The following WWOX variants were observed in gnomAD, a reference collection of about 807,000 sequenced individuals.
WWOX encodes the protein WW domain containing oxidoreductase, also known as WW domain-containing oxidoreductase.
A neutral mutation model predicts 46.2 loss-of-function variants in WWOX; 69 were observed. The ratio of observed to expected loss-of-function variants is 1.49; its 90% CI spans 1.23 to 1.82. The LOEUF is 1.82. Among genes scored for constraint, WWOX ranks in the 40% most tolerant of loss-of-function variants. The pLI, the probability that WWOX is intolerant of heterozygous loss-of-function variation, is 0.00. For missense variants in WWOX, 919 were observed against 542.6 expected (o/e 1.69, Z -6.89); for synonymous variants, 359 against 202.6 (o/e 1.77, Z -6.56).
At chr16:78,100,449 G>A (rs2031697978) in intron 1 of WWOX, among the ~76,000 whole-genome samples, 1 of 152,082 alleles carries the variant, frequency 6.6e-6, no homozygotes, top group African/African-American at 2.4e-5. Context: ...GACTAGGGTC[G>A]CACCATGTTG....
At chr16:78,433,680 T>C (rs1335777455) in intron 8 of WWOX, among the ~76,000 whole-genome samples, 1 of 151,746 alleles carries the variant, frequency 6.6e-6, no homozygotes, top group Non-Finnish European at 1.5e-5. Flanking sequence ...TGCAGGCCTA[T>C]TATCCTCCAG....
chr16:78,432,883 A>T, intron 8 of WWOX, 131 bp downstream of exon 8: 3 of 1,392,894 alleles, frequency 2.2e-6, no homozygotes, highest in Non-Finnish European at 3.0e-6. Flanking sequence ...CCCATCATAA[A>T]GGGCTCTTGA....
chr16:78,643,139 A>G (rs1417906342), intron 8 of WWOX, among the ~76,000 whole-genome samples: 1 of 152,204 alleles, frequency 6.6e-6, no homozygotes, highest in Non-Finnish European at 1.5e-5. Flanking sequence ...GCAGCTATCC[A>G]GACCCAAGAG....
At chr16:78,773,970 G>A (rs1281966183) in intron 8 of WWOX, among the ~76,000 whole-genome samples, 1 of 152,216 alleles carries the variant, frequency 6.6e-6, no homozygotes, top group Non-Finnish European at 1.5e-5. Flanking sequence ...GAAAGCATGT[G>A]GCTGAAATGA....
chr16:79,016,338 C>T (rs1379833163), intron 8 of WWOX: 6 of 152,232 alleles, frequency 3.9e-5, no homozygotes, highest in African/African-American at 1.4e-4. Flanking sequence ...GTGGTTGCTC[C>T]TCCTGCAGTC....
intron 8 of WWOX, among the ~76,000 whole-genome samples, chr16:78,974,994 C>T (rs1337181923): frequency 1.3e-5 from 2 of 152,140 alleles, no homozygotes; most frequent in African/African-American, 4.8e-5. Context: ...AAGGGACTCC[C>T]CAGCCCCTCT....
At chr16:78,983,038 T>G (rs2046713535) in intron 8 of WWOX, among the ~76,000 whole-genome samples, 1 of 152,202 alleles carries the variant, frequency 6.6e-6, no homozygotes, top group African/African-American at 2.4e-5. Flanking sequence ...TTGTGAAGTA[T>G]TTATTGTGGG....
chr16:78,839,998 T>C (rs548659011), intron 8 of WWOX, among the ~76,000 whole-genome samples: 193 of 152,324 alleles, frequency 1.3e-3, no homozygotes, highest in African/African-American at 4.5e-3. Flanking sequence ...CATTCCCTTT[T>C]CTGAGCCACA....
Position 78,423,617 on chromosome 16 carries a change from C to G in WWOX, c.606-1253C>G, listed in dbSNP as rs1019004278. Among the ~76,000 whole-genome samples, 7 of 152,044 alleles carry G rather than the reference C, an allele frequency of 4.6e-5. 1 individual carries two copies. Among genetic ancestry groups the G allele is most frequent in the African/African-American group, 1.7e-4 (7 of 41,474 alleles). The stretch of plus-strand genomic sequence containing the variant: ...CCTAGGCAGAAGGATTGCTTGAGAC[C>G]AGGAACTCAAGACCACCTTGACCAC... On this transcript the variant is annotated intron_variant, in intron 6 of 8. Transcript: ENST00000566780.
chr16:78,797,018 G>C (rs1409155837), intron 8 of WWOX, among the ~76,000 whole-genome samples: 1 of 151,836 alleles, frequency 6.6e-6, no homozygotes, highest in African/African-American at 2.4e-5. Flanking sequence ...TAGTGCCGGG[G>C]TTTCACCATG....
intron 8 of WWOX, among the ~76,000 whole-genome samples, chr16:78,518,907 T>A (rs1473249523): frequency 6.6e-6 from 1 of 152,206 alleles, no homozygotes; most frequent in African/African-American, 2.4e-5. Context: ...CTCACGGGTG[T>A]TATGGTTCAT....
chr16:78,529,686 C>G (rs1266437019), intron 8 of WWOX, among the ~76,000 whole-genome samples: 2 of 151,824 alleles, frequency 1.3e-5, no homozygotes, highest in African/African-American at 2.4e-5. Flanking sequence ...GCAGGATGGT[C>G]TCGATCTCCT....
At chr16:78,335,110 C>A (rs895065829) in intron 5 of WWOX, among the ~76,000 whole-genome samples, 22 of 152,068 alleles carry the variant, frequency 1.4e-4, no homozygotes, top group Admixed American at 1.4e-3. Context: ...TGGGGTGGGG[C>A]CTGCAGTCTG....
intron 6 of WWOX, among the ~76,000 whole-genome samples, chr16:78,404,902 AAT>A (rs1448884812): frequency 1.3e-5 from 2 of 152,236 alleles, no homozygotes; most frequent in Non-Finnish European, 2.9e-5. Context: ...AACACCAAGG[AAT>A]GAGACCTGCA....
rs115143973 is a variant in WWOX at position 78,943,796 on chromosome 16, C to G, written c.1057-267812C>G. 2.6e-3 allele frequency among the ~76,000 whole-genome samples: 399 copies of G among 152,218 alleles called. 1 individual carries two copies. The highest frequency in any genetic ancestry group is 9.2e-3 in the African/African-American group (382 of 41,528). On this transcript the variant is annotated intron_variant, in intron 8 of 8. Transcript: ENST00000566780. ...CCCACAATTTGAAGGGGAAATCTTTCCCACCGCACATCACTGTTTGGTGGA... is the reference window on the plus strand; with the variant it reads ...CCCACAATTTGAAGGGGAAATCTTTGCCACCGCACATCACTGTTTGGTGGA...
chr16:78,789,409 C>A (rs1419007268), intron 8 of WWOX, among the ~76,000 whole-genome samples: 1 of 152,110 alleles, frequency 6.6e-6, no homozygotes, highest in South Asian at 2.1e-4. Context: ...AAAGATAATT[C>A]TTTCTCTATT....
Position 78,953,501 on chromosome 16 carries a change from A to G in WWOX, c.1057-258107A>G, listed in dbSNP as rs151235870. 2.2e-3 allele frequency among the ~76,000 whole-genome samples: 335 copies of G among 152,292 alleles called. 1 individual carries two copies. Among genetic ancestry groups the G allele is most frequent in the African/African-American group, 7.6e-3 (315 of 41,560 alleles). Reference sequence around the variant, plus strand: ...CAGTTTAAATTGCTGATTTATGGCTACATAATGTCTTCCTAACCCCCAGTT... The same window carrying G: ...CAGTTTAAATTGCTGATTTATGGCTGCATAATGTCTTCCTAACCCCCAGTT... On this transcript the variant is annotated intron_variant, in intron 8 of 8. Coordinates refer to ENST00000566780, the MANE Select transcript of WWOX (RefSeq NM_016373.4).
chr16:78,501,853 T>G (rs2085078224), intron 8 of WWOX, among the ~76,000 whole-genome samples: 1 of 152,078 alleles, frequency 6.6e-6, no homozygotes, highest in Non-Finnish European at 1.5e-5. Context: ...GCTAATGAAA[T>G]CAGGCTCCAT....
chr16:78,444,227 T>C (rs2083508313), intron 8 of WWOX, among the ~76,000 whole-genome samples: 3 of 152,200 alleles, frequency 2.0e-5, no homozygotes, highest in African/African-American at 7.2e-5. Flanking sequence ...GTCTTACTCA[T>C]CTAATGTAAT....
Sources: gnomAD v4.1 joint callset for allele counts (sites outside exome capture counted in the v4.1 genomes callset) on GRCh38, gnomAD v4.1.1 for gene constraint, MANE v1.5 for transcripts, NCBI Gene and HGNC (gene_info 2026-07-23, HGNC 2026-07-21) for gene names.